The following P2RX7 variants were observed in gnomAD, a reference collection of about 807,000 sequenced individuals.
P2RX7 encodes the protein purinergic receptor P2X 7.
Under a neutral mutation model 71.6 loss-of-function variants are expected in P2RX7, and 62 were observed. The ratio of observed to expected loss-of-function variants is 0.87; its 90% CI spans 0.71 to 1.07. P2RX7 has a LOEUF of 1.07. P2RX7 is among the 50% of genes least tolerant of loss of function. The probability of loss-of-function intolerance (pLI) is 0.00; values close to 1 mark genes in which losing one functional copy is unlikely to be tolerated. For missense variants in P2RX7, 686 were observed against 748.5 expected (o/e 0.92, Z 0.97); for synonymous variants, 299 against 283.3 (o/e 1.06, Z -0.56).
At chr12:121,176,798 T>TC in intron 9 of P2RX7, among the ~76,000 whole-genome samples, 1 of 151,246 alleles carries the variant, frequency 6.6e-6, no homozygotes, top group Middle Eastern at 3.4e-3. Context: ...AGACATTCCT[T>TC]CCCTCTGCTT....
Position 121,165,431 on chromosome 12 carries a change from A to G in P2RX7, c.608A>G (p.Tyr203Cys), listed in dbSNP as rs184565788. 43 of 1,613,522 alleles carry G rather than the reference A, an allele frequency of 2.7e-5. No homozygotes were observed. In the African/African-American group the frequency reaches 5.5e-4, roughly 21 times the overall value. The change falls in exon 6 of 13, where the codon TAC (tyrosine) becomes TGC (cysteine). Residue 203 changes from tyrosine to cysteine, a missense_variant. By Grantham distance (194) the Tyr-to-Cys change is radical. Transcript: ENST00000328963. ...KNNIDFPGHN[Y>C]TTRNILPGLN... Reference sequence around the variant, plus strand: ...AATATCGACTTCCCCGGCCACAACTACACCACGTAAGTGCCCAGGCTGCCT... The same window carrying G: ...AATATCGACTTCCCCGGCCACAACTGCACCACGTAAGTGCCCAGGCTGCCT...
chr12:121,136,003 CAA>C lies in P2RX7; in HGVS notation c.125+2928_125+2929del, dbSNP rs1191508376. Among the ~76,000 whole-genome samples the C allele has an allele frequency of 9.0e-3, 115 of 12,830 alleles. 3 individuals are homozygous for C. The highest frequency in any genetic ancestry group is 0.017 in the African/African-American group (111 of 6,516). 8.4% of individuals were successfully genotyped at this position (12,830 alleles called of 152,430 possible). On this transcript the variant is annotated intron_variant, in intron 1 of 12. Coordinates refer to ENST00000328963, the MANE Select transcript of P2RX7 (RefSeq NM_002562.6). ...TGAGCCACAGAGCAAGACTCTGTCT[CAA>C]AAAAAAAAAAAAAAAAAAATATATA... is the stretch of plus-strand genomic sequence containing the variant.
At chr12:121,164,559 T>C (rs1880592532) in intron 5 of P2RX7, among the ~76,000 whole-genome samples, 1 of 152,090 alleles carries the variant, frequency 6.6e-6, no homozygotes, top group East Asian at 1.9e-4. Flanking sequence ...GGCAGGCGGA[T>C]CACTTGAGGT....
At chr12:121,150,039 A>G (rs1877068980) in intron 1 of P2RX7, among the ~76,000 whole-genome samples, 1 of 152,202 alleles carries the variant, frequency 6.6e-6, no homozygotes, top group African/African-American at 2.4e-5. Flanking sequence ...TTCAGGGATT[A>G]AACCTACCAC....
Position 121,167,490 on chromosome 12 carries a change from C to G in P2RX7, c.747C>G (p.Gly249=). ...GDNFSDVAIQ[G]GIMGIEIYWD... is the part of the protein sequence containing the mutation. ...ACTGTCCCTTGTTGATCCTTCAGGG[C>G]GGAATAATGGGCATTGAGATCTACT... Residue 249 remains glycine (G), a splice_region_variant and synonymous_variant, in exon 8 of 13, where the codon GGC becomes GGG. Coordinates refer to ENST00000328963, the MANE Select transcript of P2RX7 (RefSeq NM_002562.6). 1 of 1,613,900 alleles carries G rather than the reference C, an allele frequency of 6.2e-7. No homozygotes were observed. Among genetic ancestry groups the G allele is most frequent in the Non-Finnish European group, 8.5e-7 (1 of 1,179,894 alleles).
chr12:121,159,626 T>C (rs1879246477), intron 3 of P2RX7, among the ~76,000 whole-genome samples: 1 of 152,068 alleles, frequency 6.6e-6, no homozygotes, highest in Admixed American at 6.6e-5. Context: ...TTCACACCTA[T>C]GTCATGTTCT....
At chr12:121,151,333 C>T (rs1203422064) in intron 1 of P2RX7, among the ~76,000 whole-genome samples, 1 of 151,962 alleles carries the variant, frequency 6.6e-6, no homozygotes, top group East Asian at 1.9e-4. Flanking sequence ...CTGCAACCTC[C>T]GTCTCCAGGG....
intron 9 of P2RX7, 122 bp downstream of exon 9, chr12:121,175,600 C>A: frequency 3.1e-6 from 2 of 640,004 alleles, no homozygotes; most frequent in Non-Finnish European, 5.9e-6. Flanking sequence ...GGGCATTTCG[C>A]ACATGGGATA....
At chr12:121,172,671 C>T (rs1882430436) in intron 8 of P2RX7, among the ~76,000 whole-genome samples, 1 of 152,080 alleles carries the variant, frequency 6.6e-6, no homozygotes, top group African/African-American at 2.4e-5. Context: ...AGATAAATCA[C>T]TCAATACATC....
rs1024186128 is a variant in P2RX7 at position 121,149,583 on chromosome 12, G to A, written c.126-5202G>A. Among the ~76,000 whole-genome samples the A allele has an allele frequency of 1.3e-5, 2 of 152,136 alleles. No individual in the cohort carries two copies. Among genetic ancestry groups the A allele is most frequent in the African/African-American group, 2.4e-5 (1 of 41,426 alleles). ...ACAGTATGGGGGAAACTGCCCCCAT[G>A]ATTCAATTATCTCCCACCAGGTCCC... On this transcript the variant is annotated intron_variant, in intron 1 of 12. Coordinates refer to ENST00000328963, the MANE Select transcript of P2RX7 (RefSeq NM_002562.6). This position sits in a 1 kb window ranked among gnomAD's most constrained non-coding sequence, Gnocchi z 4.7.
chr12:121,139,009 T>C (rs1205327275), intron 1 of P2RX7, among the ~76,000 whole-genome samples: 1 of 152,222 alleles, frequency 6.6e-6, no homozygotes, highest in Non-Finnish European at 1.5e-5. Flanking sequence ...TGGTATGATC[T>C]TGGCTCACTG....
rs192289351 is a variant in P2RX7, at chr12:121,148,965, A to G, written c.126-5820A>G. 466 of 449,454 alleles carry G rather than the reference A, an allele frequency of 1.0e-3. 3 individuals carry two copies. Among genetic ancestry groups the G allele is most frequent in the African/African-American group, 7.8e-3 (385 of 49,386 alleles). The allele number at this position is 449,454 out of a possible 1,614,324, so 27.8% of individuals were successfully genotyped here. A position where few individuals can be genotyped will look rare whatever the true frequency, so the allele number is the denominator to read the frequency against. On this transcript the variant is annotated intron_variant, in intron 1 of 12. Coordinates refer to ENST00000328963, the MANE Select transcript of P2RX7 (RefSeq NM_002562.6). ...AAGAGATACAAGGGATACACTTTGG[A>G]GGCTCAGCCCTTTGATGTTACCTTT... is the stretch of plus-strand genomic sequence containing the variant.
intron 5 of P2RX7, among the ~76,000 whole-genome samples, chr12:121,163,346 A>ACACACG (rs1489821661): frequency 4.4e-4 from 56 of 128,566 alleles, no homozygotes; most frequent in Admixed American, 1.2e-3. Flanking sequence ...ACACACACAC[A>ACACACG]CACACACACA....
rs367973195 is a variant in P2RX7, at chr12:121,138,007, A to C, written c.125+4912A>C. Among the ~76,000 whole-genome samples the C allele has an allele frequency of 2.6e-5, 4 of 152,242 alleles. 1 individual carries two copies. Among genetic ancestry groups the C allele is most frequent in the East Asian group, 3.8e-4 (2 of 5,200 alleles). The stretch of plus-strand genomic sequence containing the variant: ...ACAACCAATTCAGATCTGGATTCAA[A>C]GGCAGGGATGCAGCTACAAGAGGAG... On this transcript the variant is annotated intron_variant, in intron 1 of 12. Coordinates refer to ENST00000328963, the MANE Select transcript of P2RX7 (RefSeq NM_002562.6).
chr12:121,154,289 T>TC lies in P2RX7; in HGVS notation c.126-495dup, dbSNP rs527665653. ...TGGGCAACAAGAGCAAAACTCTGTT[T>TC]CAAAAAAAAAAAAAGAGAGAGAGAG... On this transcript the variant is annotated intron_variant, in intron 1 of 12. Coordinates refer to ENST00000328963, the MANE Select transcript of P2RX7 (RefSeq NM_002562.6). The surrounding 1 kb of genome is among the most constrained non-coding windows in gnomAD (Gnocchi z 4.2). Among the ~76,000 whole-genome samples the TC allele has an allele frequency of 3.5e-3, 497 of 140,420 alleles. 1 individual carries two copies. The highest frequency in any genetic ancestry group is 0.013 in the African/African-American group (471 of 36,844). 92.1% of individuals were successfully genotyped at this position (140,420 alleles called of 152,430 possible). A position where few individuals can be genotyped will look rare whatever the true frequency, so the allele number is the denominator to read the frequency against.
chr12:121,143,249 C>G (rs1394375386), intron 1 of P2RX7, among the ~76,000 whole-genome samples: 1 of 151,492 alleles, frequency 6.6e-6, no homozygotes, highest in Non-Finnish European at 1.5e-5. Context: ...CAAAAATTAC[C>G]CAGATGTGGT....
chr12:121,137,611 A>T (rs1455247119), intron 1 of P2RX7, among the ~76,000 whole-genome samples: 1 of 152,256 alleles, frequency 6.6e-6, no homozygotes, highest in Non-Finnish European at 1.5e-5. Context: ...CGTCTCACTA[A>T]ATGGCCAAAT....
chr12:121,176,278 A>G (rs925688630), intron 9 of P2RX7, among the ~76,000 whole-genome samples: 1 of 140,206 alleles, frequency 7.1e-6, no homozygotes, highest in African/African-American at 2.7e-5. Context: ...CACTACATGG[A>G]CTGAAAAGAA....
chr12:121,163,365 C>T (rs1186233634), intron 5 of P2RX7, among the ~76,000 whole-genome samples: 1 of 151,522 alleles, frequency 6.6e-6, no homozygotes, highest in Non-Finnish European at 1.5e-5. Context: ...CACGCACACA[C>T]ACACACACAC....
Sources: allele counts gnomAD v4.1 joint callset (sites outside exome capture counted in the v4.1 genomes callset), GRCh38; gene constraint gnomAD v4.1.1; non-coding constraint Gnocchi (gnomAD v3.1); transcripts MANE v1.5; gene names NCBI Gene and HGNC (gene_info 2026-07-23, HGNC 2026-07-21).